The following SLC13A2 variants were observed in gnomAD, a reference collection of about 807,000 sequenced individuals.
The protein encoded by SLC13A2 is Na(+)-coupled citrate transporter.
In SLC13A2, 40 loss-of-function variants were observed where a neutral mutation model predicts 58.5. The observed-to-expected ratio is 0.68, with a 90% CI of 0.53 to 0.89. The LOEUF (loss-of-function observed/expected upper bound fraction) is 0.89, where lower values mean the gene tolerates loss of function less well. SLC13A2 is among the 40% of genes least tolerant of loss of function. The pLI is 0.00. For missense variants in SLC13A2, 694 were observed against 772.6 expected, an observed-to-expected ratio of 0.90 and a Z score of 1.21; for synonymous variants, 341 against 331.6, an observed-to-expected ratio of 1.03 and a Z score of -0.31.
intron 1 of SLC13A2, among the ~76,000 whole-genome samples, chr17:28,475,967 C>T (rs2068663617): frequency 6.6e-6 from 1 of 152,200 alleles, no homozygotes; most frequent in South Asian, 2.1e-4. Flanking sequence ...ATCCAATGAA[C>T]ACCAGCCATC....
intron 1 of SLC13A2, among the ~76,000 whole-genome samples, chr17:28,477,489 C>A (rs575845036): frequency 4.6e-5 from 7 of 151,998 alleles, no homozygotes; most frequent in South Asian, 2.1e-4. Flanking sequence ...CCACCATGCC[C>A]GGCCACCCCC....
intron 1 of SLC13A2, among the ~76,000 whole-genome samples, chr17:28,477,468 AC>A (rs2068706339): frequency 6.6e-6 from 1 of 151,444 alleles, no homozygotes; most frequent in Non-Finnish European, 1.5e-5. Context: ...TGCTGGGATT[AC>A]AGGCGTGAGC....
chr17:28,495,842 C>G (rs374313283), intron 10 of SLC13A2, 26 bp downstream of exon 10: 1 of 1,603,402 alleles, frequency 6.2e-7, no homozygotes, highest in Non-Finnish European at 8.5e-7. Flanking sequence ...GAAACACCTC[C>G]TCCAGGCAGC....
Position 28,494,051 on chromosome 17 carries a change from G to T in SLC13A2, c.1132G>T (p.Gly378Cys). 6.2e-7 allele frequency: 1 copy of T among 1,613,958 alleles called. No individual in the cohort carries two copies. The highest frequency in any genetic ancestry group is 1.1e-5 in the South Asian group (1 of 91,076). The change falls in exon 8 of 12, where the codon GGC (glycine) becomes TGC (cysteine). Residue 378 changes from glycine (G) to cysteine (C), a missense_variant. Gly to Cys is a radical substitution (Grantham distance 159). Transcript: ENST00000314669. The surrounding 1 kb of genome is among the most constrained non-coding windows in gnomAD (Gnocchi z 4.0). The part of the protein sequence containing the change: ...VSDGTVAIFI[G>C]IIMFIIPSKF... ...CGATGGGACAGTGGCCATCTTCATCGGCATAATTATGTTCATCATACCCTC... is the reference window on the plus strand; with the variant it reads ...CGATGGGACAGTGGCCATCTTCATCTGCATAATTATGTTCATCATACCCTC...
Position 28,497,258 on chromosome 17 carries a change from C to A in SLC13A2, c.1768C>A (p.Pro590Thr). 6.2e-7 allele frequency: 1 copy of A among 1,613,862 alleles called. No individual in the cohort carries two copies. The highest frequency in any genetic ancestry group is 8.5e-7 in the Non-Finnish European group (1 of 1,179,868). The change falls in exon 12 of 12, where the codon CCA (proline) becomes ACA (threonine). Residue 590 changes from proline to threonine, a missense_variant. Coordinates refer to ENST00000314669, the MANE Select transcript of SLC13A2 (RefSeq NM_003984.4). ...GCCAAGCCTGGCCAACACCACCACA[C>A]CAAGCCCCTAGGCTGGGGCACAGCC... Reference protein sequence around the residue: ...CLPSLANTTTPSP With the variant: ...CLPSLANTTTTSP
Position 28,490,903 on chromosome 17 carries a change from C to T in SLC13A2, c.571C>T (p.Leu191Phe). ...AAGTCCCCAGAAGGAGGTGACCAAG[C>T]TTGGTGAGAAAAATGAGGCTAGACT... ...EPSPQKEVTK[L>F]DNGQALPVTS... The change falls in exon 4 of 12, where the codon CTT becomes TTT. Residue 191 changes from leucine (L) to phenylalanine (F), a missense_variant. By Grantham distance (22) the Leu-to-Phe change is conservative. Coordinates refer to ENST00000314669, the MANE Select transcript of SLC13A2 (RefSeq NM_003984.4). The T allele has an allele frequency of 6.2e-7, 1 of 1,612,596 alleles. No homozygotes were observed. The highest frequency in any genetic ancestry group is 1.3e-5 in the African/African-American group (1 of 74,980).
intron 1 of SLC13A2, among the ~76,000 whole-genome samples, chr17:28,478,555 C>A (rs1283928515): frequency 2.0e-5 from 3 of 152,156 alleles, no homozygotes; most frequent in African/African-American, 7.2e-5. Flanking sequence ...GGAGTTTTAA[C>A]AGTCAGAGGC....
At position 28,497,081 on chromosome 17, in the gene SLC13A2, G is replaced by A. The variant is rs2069158844; in HGVS notation, c.1609-18G>A. On this transcript the variant is annotated intron_variant, in intron 11 of 11. Coordinates refer to ENST00000314669, the MANE Select transcript of SLC13A2 (RefSeq NM_003984.4). ...CAGCCCAGTCCCTGCTTAGCCAAAT[G>A]GACTCTCCTCACACCAGGCCCGGGC... 6.2e-7 allele frequency: 1 copy of A among 1,611,408 alleles called. No homozygotes were observed. The highest frequency in any genetic ancestry group is 8.5e-7 in the Non-Finnish European group (1 of 1,178,482).
At chr17:28,493,470 T>A (rs1425434116) in intron 6 of SLC13A2, 101 bp from the exon 7 acceptor site, 1 of 947,114 alleles carries the variant, frequency 1.1e-6, no homozygotes, top group Non-Finnish European at 1.5e-6. Context: ...GACCCTGAGA[T>A]GCCCTCTGTG....
chr17:28,492,130 C>T (rs2069040309), intron 6 of SLC13A2, among the ~76,000 whole-genome samples: 2 of 152,230 alleles, frequency 1.3e-5, no homozygotes, highest in African/African-American at 4.8e-5. Flanking sequence ...TGCCCCTTCC[C>T]ATAATGGTCC....
In SLC13A2 at chr17:28,490,436, C is replaced by A; in HGVS notation, c.232-18C>A. ...CTCCAGGGTCTTCCCGCCGCTCAGC[C>A]ATGTCTCCACCTGCCAGGTTGCCGT... On this transcript the variant is annotated intron_variant, in intron 2 of 11. Coordinates refer to ENST00000314669, the MANE Select transcript of SLC13A2 (RefSeq NM_003984.4). 1 of 1,614,152 alleles carries A rather than the reference C, an allele frequency of 6.2e-7. No individual in the cohort carries two copies.
At position 28,495,656 on chromosome 17, in the gene SLC13A2, G is replaced by T. The variant is rs782053202; in HGVS notation, c.1310G>T (p.Arg437Leu). Reference sequence around the variant, plus strand: ...CATGCCATCCTCCTCTGCCCACAGCGATCGGGCCTGTCAGAGTGGCTGGGA... The same window carrying T: ...CATGCCATCCTCCTCTGCCCACAGCTATCGGGCCTGTCAGAGTGGCTGGGA... ...GGYALAKGSERSGLSEWLGNK... is the reference protein window; with the variant it reads ...GGYALAKGSELSGLSEWLGNK... The change falls in exon 10 of 12, where the codon CGA becomes CTA. Residue 437 changes from arginine (R) to leucine (L), a missense_variant and splice_region_variant. By Grantham distance (102) the Arg-to-Leu change is moderately radical. Transcript: ENST00000314669. 1 of 1,609,132 alleles carries T rather than the reference G, an allele frequency of 6.2e-7. No individual in the cohort carries two copies. Among genetic ancestry groups the T allele is most frequent in the Non-Finnish European group, 8.5e-7 (1 of 1,179,668 alleles).
At position 28,493,714 on chromosome 17, in the gene SLC13A2, T is replaced by C; in HGVS notation, c.1022T>C (p.Leu341Pro). The change falls in exon 7 of 12, where the codon CTG (leucine) becomes CCG (proline). Residue 341 changes from leucine to proline, a missense_variant. By Grantham distance (98) the Leu-to-Pro change is moderately conservative (BLOSUM62 -3). Transcript: ENST00000314669. ...AISILFVILV[L>P]LWFTREPGFF... is the part of the protein sequence containing the mutation. ...AGCATCCTATTCGTCATCCTGGTGCTGCTCTGGTTCACCCGGGAGCCGGGC... is the reference window on the plus strand; with the variant it reads ...AGCATCCTATTCGTCATCCTGGTGCCGCTCTGGTTCACCCGGGAGCCGGGC... The C allele has an allele frequency of 6.2e-7, 1 of 1,614,248 alleles. No homozygotes were observed. The highest frequency in any genetic ancestry group is 8.5e-7 in the Non-Finnish European group (1 of 1,180,042).
At chr17:28,490,288 T>A (rs1253601572) in intron 2 of SLC13A2, 166 bp from the exon 3 acceptor site, 5 of 1,576,300 alleles carry the variant, frequency 3.2e-6, no homozygotes, top group Non-Finnish European at 3.5e-6. Context: ...AAGTTAAATT[T>A]ATTTTTTTTA....
chr17:28,492,967 G>A (rs2069057621), intron 6 of SLC13A2, among the ~76,000 whole-genome samples: 1 of 152,272 alleles, frequency 6.6e-6, no homozygotes, highest in African/African-American at 2.4e-5. Context: ...AAGGCAAGGT[G>A]GTAGTAGAAG....
chr17:28,486,330 A>C (rs189159736), intron 1 of SLC13A2, among the ~76,000 whole-genome samples: 68 of 152,344 alleles, frequency 4.5e-4, no homozygotes, highest in African/African-American at 1.3e-3. Flanking sequence ...TAATAGCACT[A>C]TGATTTTATG....
Position 28,491,845 on chromosome 17 carries a change from G to C in SLC13A2, c.871G>C (p.Gly291Arg). The C allele has an allele frequency of 6.2e-7, 1 of 1,613,882 alleles. No homozygotes were observed. Among genetic ancestry groups the C allele is most frequent in the Non-Finnish European group, 8.5e-7 (1 of 1,179,830 alleles). Reference protein sequence around the residue: ...AWLWLQILFLGFNFRKNFGIG... With the variant: ...AWLWLQILFLRFNFRKNFGIG... ...GTTGTGGCTGCAGATCCTCTTCCTG[G>C]GCTTCAAGTAAGTGGCAAAGTTGGT... Residue 291 changes from glycine to arginine, a missense_variant, in exon 6 of 12, where the codon GGC (glycine) becomes CGC (arginine). Coordinates refer to ENST00000314669, the MANE Select transcript of SLC13A2 (RefSeq NM_003984.4).
chr17:28,495,160 G>A (rs907380046), intron 9 of SLC13A2, among the ~76,000 whole-genome samples: 15 of 152,178 alleles, frequency 9.9e-5, no homozygotes, highest in South Asian at 6.2e-4. Flanking sequence ...CCAGACGTGG[G>A]AAGGCAAGAC....
At chr17:28,491,128 T>C (rs1314802460) in intron 4 of SLC13A2, among the ~76,000 whole-genome samples, 3 of 152,166 alleles carry the variant, frequency 2.0e-5, no homozygotes, top group Non-Finnish European at 4.4e-5. Context: ...TTGGTCACCA[T>C]AGCAAGAAGA....
Sources: gnomAD v4.1 joint callset for allele counts (sites outside exome capture counted in the v4.1 genomes callset) on GRCh38, gnomAD v4.1.1 for gene constraint, Gnocchi (gnomAD v3.1) non-coding constraint, MANE v1.5 for transcripts, NCBI Gene and HGNC (gene_info 2026-07-23, HGNC 2026-07-21) for gene names.